PMS1: variants seen among roughly 807,000 people sequenced by gnomAD.
PMS1 encodes PMS1 homolog 1, mismatch repair system component.
Under a neutral mutation model 93.1 loss-of-function variants are expected in PMS1, and 79 were observed. That is an observed-to-expected ratio of 0.85 (90% confidence interval 0.71 to 1.02). The LOEUF is 1.02. Among genes scored for constraint, PMS1 ranks in the 50% least tolerant of loss-of-function variants. PMS1 has a pLI of 0.00. For missense variants in PMS1, 1,064 were observed against 1,085.3 expected (o/e 0.98, Z 0.28); for synonymous variants, 335 against 363.4 (o/e 0.92, Z 0.89).
At chr2:189,849,771 C>T (rs531936130) in intron 6 of PMS1, among the ~76,000 whole-genome samples, 7 of 152,020 alleles carry the variant, frequency 4.6e-5, no homozygotes, top group Admixed American at 4.6e-4. Flanking sequence ...TTTTCTTAGC[C>T]AGTTTGGCTC....
intron 5 of PMS1, among the ~76,000 whole-genome samples, chr2:189,819,532 C>T (rs1419847081): frequency 6.6e-6 from 1 of 152,180 alleles, no homozygotes; most frequent in Non-Finnish European, 1.5e-5. Context: ...TCTGCATCCT[C>T]ACCAACATCT....
intron 1 of PMS1, among the ~76,000 whole-genome samples, chr2:189,785,777 T>G (rs1371389582): frequency 6.6e-6 from 1 of 152,064 alleles, no homozygotes; most frequent in Non-Finnish European, 1.5e-5. Context: ...TGATTAGAAG[T>G]CAGCTGAGAG....
At chr2:189,798,696 A>T (rs2049578389) in intron 3 of PMS1, among the ~76,000 whole-genome samples, 1 of 149,294 alleles carries the variant, frequency 6.7e-6, no homozygotes, top group Non-Finnish European at 1.5e-5. Context: ...AGTACTATTT[A>T]GCTGTCAGTG....
At chr2:189,790,000 A>G (rs777744743) in intron 1 of PMS1, among the ~76,000 whole-genome samples, 5 of 152,206 alleles carry the variant, frequency 3.3e-5, no homozygotes, top group Non-Finnish European at 7.3e-5. Flanking sequence ...AAGGATTTCC[A>G]GTTACCAACA....
chr2:189,794,428 G>C (rs1559214549), intron 2 of PMS1, among the ~76,000 whole-genome samples: 1 of 152,132 alleles, frequency 6.6e-6, no homozygotes, highest in Non-Finnish European at 1.5e-5. Flanking sequence ...CTGAATTTTA[G>C]ATTGAGAGAG....
chr2:189,815,607 C>T (rs1197346130), intron 4 of PMS1, among the ~76,000 whole-genome samples: 1 of 152,288 alleles, frequency 6.6e-6, no homozygotes, highest in South Asian at 2.1e-4. Flanking sequence ...TTCCTGAGGC[C>T]TCCCAGCCAT....
At chr2:189,853,096 G>A (rs1286931520) in intron 7 of PMS1, among the ~76,000 whole-genome samples, 1 of 152,006 alleles carries the variant, frequency 6.6e-6, no homozygotes, top group African/African-American at 2.4e-5. Context: ...CTCCAGGCTG[G>A]ATTGCAATGG....
At chr2:189,848,093 A>G (rs1337456735) in intron 6 of PMS1, among the ~76,000 whole-genome samples, 1 of 152,138 alleles carries the variant, frequency 6.6e-6, no homozygotes, top group Admixed American at 6.6e-5. Context: ...TGCTACTTCA[A>G]ACTGGTTACG....
intron 11 of PMS1, 38 bp from the exon 12 acceptor site, chr2:189,873,458 A>G: frequency 7.0e-7 from 1 of 1,424,560 alleles, no homozygotes; most frequent in Non-Finnish European, 9.9e-7. Context: ...GTTCTGGAAT[A>G]TGAACTTAAC....
intron 5 of PMS1, among the ~76,000 whole-genome samples, chr2:189,842,987 CAT>C (rs982784744): frequency 4.4e-5 from 6 of 136,620 alleles, no homozygotes; most frequent in Non-Finnish European, 7.8e-5. Context: ...TACACACACA[CAT>C]ATATGTGTGT....
At chr2:189,844,911 G>A (rs2106418653) in intron 6 of PMS1, among the ~76,000 whole-genome samples, 1 of 151,650 alleles carries the variant, frequency 6.6e-6, no homozygotes, top group South Asian at 2.1e-4. Flanking sequence ...AGGCTGGAGT[G>A]CAGTGGTGGG....
intron 5 of PMS1, among the ~76,000 whole-genome samples, chr2:189,829,798 C>G (rs991237530): frequency 6.6e-6 from 1 of 152,176 alleles, no homozygotes; most frequent in African/African-American, 2.4e-5. Context: ...GAGTAAATTC[C>G]GTAGGTCTAT....
chr2:189,820,366 A>G (rs188702440), intron 5 of PMS1, among the ~76,000 whole-genome samples: 2 of 151,710 alleles, frequency 1.3e-5, no homozygotes, highest in Admixed American at 6.6e-5. Context: ...GTGCAGTGGC[A>G]CGATCACAGC....
chr2:189,820,086 A>G (rs1028014953), intron 5 of PMS1, among the ~76,000 whole-genome samples: 1 of 152,248 alleles, frequency 6.6e-6, no homozygotes, highest in Non-Finnish European at 1.5e-5. Flanking sequence ...TTGAGGGCCT[A>G]CACAATGCCA....
At chr2:189,813,374 A>G (rs902265506) in intron 4 of PMS1, among the ~76,000 whole-genome samples, 2 of 152,212 alleles carry the variant, frequency 1.3e-5, no homozygotes, top group African/African-American at 4.8e-5. Context: ...GCATCTGTCT[A>G]TAAAACTTAA....
chr2:189,863,219 T>TTTG (rs750529112), intron 9 of PMS1, among the ~76,000 whole-genome samples: 1 of 151,648 alleles, frequency 6.6e-6, no homozygotes, highest in Non-Finnish European at 1.5e-5. Flanking sequence ...TGTGTGTTTG[T>TTTG]TTGTTGTTGT....
intron 4 of PMS1, among the ~76,000 whole-genome samples, chr2:189,815,030 C>T (rs746002025): frequency 4.7e-5 from 7 of 149,038 alleles, no homozygotes; most frequent in Non-Finnish European, 7.4e-5. Flanking sequence ...ACCTAGGAGG[C>T]GGAGCTTGCA....
intron 9 of PMS1, 97 bp from the exon 10 acceptor site, chr2:189,863,646 C>G: frequency 2.2e-6 from 2 of 893,544 alleles, no homozygotes; most frequent in Non-Finnish European, 3.6e-6. Context: ...ATTACTATAT[C>G]TGGAACACCA....
At chr2:189,786,378 GA>G (rs1250868765) in intron 1 of PMS1, among the ~76,000 whole-genome samples, 2 of 152,210 alleles carry the variant, frequency 1.3e-5, no homozygotes, top group East Asian at 3.9e-4. Context: ...AGTAGTTCAG[GA>G]GAGAAAGGCC....
Sources: allele counts gnomAD v4.1 joint callset (sites outside exome capture counted in the v4.1 genomes callset), GRCh38; gene constraint gnomAD v4.1.1; transcripts MANE v1.5; gene names NCBI Gene and HGNC (gene_info 2026-07-23, HGNC 2026-07-21).